EIF3C: variants seen among roughly 807,000 people sequenced by gnomAD.
The protein encoded by EIF3C is eukaryotic translation initiation factor 3 subunit C, also known as cell migration-inducing protein 17.
A neutral mutation model predicts 11.1 loss-of-function variants in EIF3C; 2 were observed. The observed-to-expected ratio is 0.18, with a 90% CI of 0.07 to 0.57. The LOEUF is 0.57. Ranked by LOEUF, EIF3C falls within the 20% of genes least tolerant of loss-of-function variation. EIF3C has a pLI of 0.92. For missense variants in EIF3C, 16 were observed against 114.6 expected (o/e 0.14, Z 3.93); for synonymous variants, 2 against 41.5 (o/e 0.05, Z 3.66).
chr16:28,698,268 T>C (rs1253527212), intron 1 of EIF3C, among the ~76,000 whole-genome samples: 7 of 82,254 alleles, frequency 8.5e-5, no homozygotes, highest in Admixed American at 2.5e-4. Flanking sequence ...GACCCCCCCA[T>C]CTCCCTCCCG....
rs2048268357 is a variant in EIF3C, at chr16:28,699,482, CGG to C, written c.-31+10655_-31+10656del. On this transcript the variant is annotated intron_variant, in intron 1 of 20. Transcript: ENST00000566501. ...AGGGAGACGGAGACGGAGACGGAGA[CGG>C]AGAGGGAGAGGGAGAGGGAGAGGGA... Among the ~76,000 whole-genome samples the C allele has an allele frequency of 9.4e-5, 8 of 84,796 alleles. 1 individual carries two copies. In the East Asian group the frequency reaches 2.8e-3, roughly 29 times the overall value. 55.6% of individuals were successfully genotyped at this position (84,796 alleles called of 152,430 possible).
chr16:28,707,078 CT>C (rs1165801182), upstream of EIF3C, among the ~76,000 whole-genome samples: 129 of 21,380 alleles, frequency 6.0e-3, 4 homozygotes, highest in African/African-American at 0.035. Flanking sequence ...TTTTCTTTCC[CT>C]TTTTTTTTTT....
chr16:28,699,464 C>CGGAGACGGAGACGGAGACGGAGAG (rs2048267944), intron 1 of EIF3C, among the ~76,000 whole-genome samples: 1 of 77,832 alleles, frequency 1.3e-5, no homozygotes, highest in Non-Finnish European at 2.5e-5. Flanking sequence ...GAGAGGGAGA[C>CGGAGACGGAGACGGAGACGGAGAG]GGAGACGGAG....
Position 28,700,004 on chromosome 16 carries a change from C to T in EIF3C, c.-31+11176C>T, listed in dbSNP as rs1166756148. Among the ~76,000 whole-genome samples the T allele has an allele frequency of 5.7e-4, 21 of 37,102 alleles. 1 individual carries two copies. Among genetic ancestry groups the T allele is most frequent in the Non-Finnish European group, 7.6e-4 (15 of 19,788 alleles). The allele number at this position is 37,102 out of a possible 152,430, so 24.3% of individuals were successfully genotyped here. A position where few individuals can be genotyped will look rare whatever the true frequency, so the allele number is the denominator to read the frequency against. On this transcript the variant is annotated intron_variant, in intron 1 of 20. Coordinates refer to the EIF3C transcript ENST00000566501. ...CCCTCTACCTGGCGGACCAGCCTGG[C>T]GACCTCTGCCCCTCCCCGGGCCCCT...
chr16:28,700,602 C>A, intron 1 of EIF3C: 1 of 262,632 alleles, frequency 3.8e-6, no homozygotes, highest in East Asian at 1.3e-4. Context: ...GCTTTCTAGA[C>A]GCGCAGCTTG....
chr16:28,694,703 GT>G (rs1311502968), intron 1 of EIF3C, among the ~76,000 whole-genome samples: 49 of 58,838 alleles, frequency 8.3e-4, no homozygotes, highest in Non-Finnish European at 1.0e-3. Flanking sequence ...GGTTTTTTTG[GT>G]TTTTTTTTTT....
intron 1 of EIF3C, among the ~76,000 whole-genome samples, chr16:28,699,419 C>A (rs1428008461): frequency 9.9e-6 from 1 of 101,062 alleles, no homozygotes; most frequent in Non-Finnish European, 1.9e-5. Flanking sequence ...GCACTACAGT[C>A]CAGCTTCGGC....
At chr16:28,729,996 A>C (rs1044975678) in intron 15 of EIF3C, among the ~76,000 whole-genome samples, 1 of 150,394 alleles carries the variant, frequency 6.6e-6, no homozygotes, top group Admixed American at 6.6e-5. Context: ...CCTTCATTCT[A>C]TTCATATAAT....
In EIF3C at chr16:28,698,353, C is replaced by G. The variant is rs1164210211; in HGVS notation, c.-31+9525C>G. On this transcript the variant is annotated intron_variant, in intron 1 of 20. Transcript: ENST00000566501. ...GGCCGGGCAGAGGCGCCCCTCACCT[C>G]CCGGACGGGGCGGCTGGCCGGGTGG... Among the ~76,000 whole-genome samples, 11 of 100,832 alleles carry G rather than the reference C, an allele frequency of 1.1e-4. 1 individual carries two copies. Among genetic ancestry groups the G allele is most frequent in the African/African-American group, 3.4e-4 (7 of 20,700 alleles). The allele number at this position is 100,832 out of a possible 152,430, so 66.1% of individuals were successfully genotyped here. A position where few individuals can be genotyped will look rare whatever the true frequency, so the allele number is the denominator to read the frequency against.
chr16:28,727,772 A>G (rs2048394084), intron 15 of EIF3C, among the ~76,000 whole-genome samples: 1 of 116,144 alleles, frequency 8.6e-6, no homozygotes, highest in African/African-American at 2.9e-5. Flanking sequence ...TGCTGTGAAC[A>G]TTCTTGTAAG....
chr16:28,698,425 CG>C (rs1407261734), intron 1 of EIF3C, among the ~76,000 whole-genome samples: 1 of 72,286 alleles, frequency 1.4e-5, no homozygotes, highest in Admixed American at 1.2e-4. Context: ...GCTGGCCAGG[CG>C]GGGGGCTGAC....
At chr16:28,698,267 A>C (rs2048254511) in intron 1 of EIF3C, among the ~76,000 whole-genome samples, 4 of 105,536 alleles carry the variant, frequency 3.8e-5, no homozygotes, top group African/African-American at 7.4e-5. Flanking sequence ...TGACCCCCCC[A>C]TCTCCCTCCC....
chr16:28,722,923 C>T, intron 8 of EIF3C: 2 of 743,920 alleles, frequency 2.7e-6, no homozygotes, highest in Non-Finnish European at 4.2e-6. Flanking sequence ...TTCCTGACGT[C>T]AAGTGATCTA....
chr16:28,707,081 T>C (rs2048292736), upstream of EIF3C, among the ~76,000 whole-genome samples: 1 of 10,532 alleles, frequency 9.5e-5, no homozygotes, highest in African/African-American at 7.6e-4. Flanking sequence ...TCTTTCCCTT[T>C]TTTTTTTTTT....
At chr16:28,699,370 G>A (rs1224717119) in intron 1 of EIF3C, among the ~76,000 whole-genome samples, 1 of 87,514 alleles carries the variant, frequency 1.1e-5, no homozygotes, top group Non-Finnish European at 2.2e-5. Context: ...GCTGAGGCAG[G>A]AGAATCAGGC....
At chr16:28,697,779 C>A (rs1399835772) in intron 1 of EIF3C, among the ~76,000 whole-genome samples, 1 of 96,810 alleles carries the variant, frequency 1.0e-5, no homozygotes, top group African/African-American at 7.0e-5. Flanking sequence ...GGCAGAGGCG[C>A]CCCTCACCTC....
At chr16:28,697,762 G>A (rs1312357750) in intron 1 of EIF3C, among the ~76,000 whole-genome samples, 3 of 93,950 alleles carry the variant, frequency 3.2e-5, no homozygotes, top group African/African-American at 8.2e-5. Flanking sequence ...CCCAGTAGGG[G>A]TGGCCGGGCA....
intron 8 of EIF3C, among the ~76,000 whole-genome samples, chr16:28,718,533 TTC>T (rs1353086070): frequency 4.2e-5 from 2 of 47,602 alleles, no homozygotes; most frequent in African/African-American, 3.2e-4. Context: ...ATCTTATACT[TTC>T]TGTTTATCCT....
At chr16:28,704,423 C>T (rs1425946578) in intron 1 of EIF3C, among the ~76,000 whole-genome samples, 1 of 109,068 alleles carries the variant, frequency 9.2e-6, no homozygotes, top group Non-Finnish European at 1.8e-5. Context: ...ACTGGCCAGG[C>T]GTGGTGGCTC....
Sources: gnomAD v4.1 joint callset for allele counts (sites outside exome capture counted in the v4.1 genomes callset) on GRCh38, gnomAD v4.1.1 for gene constraint, MANE v1.5 for transcripts, NCBI Gene and HGNC (gene_info 2026-07-23, HGNC 2026-07-21) for gene names.